SPATA6L: variants seen among roughly 807,000 people sequenced by gnomAD.
The protein encoded by SPATA6L is spermatogenesis associated 6 like.
In SPATA6L, 68 loss-of-function variants were observed where a neutral mutation model predicts 49.2. The ratio of observed to expected loss-of-function variants is 1.38; its 90% CI spans 1.14 to 1.69. SPATA6L has a LOEUF of 1.69. Among genes scored for constraint, SPATA6L ranks in the 40% most tolerant of loss-of-function variants. The pLI is 0.00. For missense variants in SPATA6L, 668 were observed against 464.3 expected (o/e 1.44, Z -4.03); for synonymous variants, 198 against 165.7 (o/e 1.19, Z -1.50).
At position 4,621,465 on chromosome 9, in the gene SPATA6L, C is replaced by G. The variant is rs116073178; in HGVS notation, c.772+943G>C. On this transcript the variant is annotated intron_variant, in intron 7 of 11. Transcript: ENST00000682582. ...CAATGATGTCATGACATCACCATCA[C>G]AATGGCTAATGGAATGTGTGCTATT... Among the ~76,000 whole-genome samples, 780 of 152,180 alleles carry G rather than the reference C, an allele frequency of 5.1e-3. 11 individuals are homozygous for G. The highest frequency in any genetic ancestry group is 0.018 in the African/African-American group (746 of 41,506).
At chr9:4,632,916 A>C (rs1831936209) in intron 4 of SPATA6L, 1 of 152,256 alleles carries the variant, frequency 6.6e-6, no homozygotes, top group African/African-American at 2.4e-5. Context: ...TGAAAGCAAC[A>C]TGGATGTGAT....
At chr9:4,614,176 C>T (rs1827434939) in intron 9 of SPATA6L, among the ~76,000 whole-genome samples, 1 of 152,280 alleles carries the variant, frequency 6.6e-6, no homozygotes, top group East Asian at 1.9e-4. Context: ...AGAGGATGTG[C>T]TGAAGGGGCA....
chr9:4,639,390 A>T (rs1375647931), intron 3 of SPATA6L, among the ~76,000 whole-genome samples: 1 of 152,208 alleles, frequency 6.6e-6, no homozygotes, highest in Non-Finnish European at 1.5e-5. Flanking sequence ...GAATTTAGAT[A>T]AAAGTAAGAG....
chr9:4,656,057 T>A lies in SPATA6L; in HGVS notation c.210A>T (p.Val70=), dbSNP rs775172731. ...AGTACCTACTTTCCAAAAGGTCTAC[T>A]ACAGCTCCAGGATCTACTGCACTTT... ...VFESAVDPGA[V]VDLLEMWDEL... is the part of the protein sequence containing the mutation. The change falls in exon 3 of 12, where the codon GTA becomes GTT. Residue 70 remains valine, a synonymous_variant. Transcript: ENST00000682582. 1 of 1,613,000 alleles carries A rather than the reference T, an allele frequency of 6.2e-7. No individual in the cohort carries two copies. The highest frequency in any genetic ancestry group is 8.5e-7 in the Non-Finnish European group (1 of 1,179,468).
At chr9:4,597,824 T>G (rs1822409636), downstream of SPATA6L, among the ~76,000 whole-genome samples, 1 of 152,172 alleles carries the variant, frequency 6.6e-6, no homozygotes, top group Non-Finnish European at 1.5e-5. Context: ...GTGGTACTAG[T>G]GGGTTCTCTG....
At chr9:4,589,682 C>T (rs2129930070) in intron 13 of SPATA6L, among the ~76,000 whole-genome samples, 1 of 152,178 alleles carries the variant, frequency 6.6e-6, no homozygotes, top group East Asian at 1.9e-4. Flanking sequence ...CTTCACATAA[C>T]ACCCCTTCAA....
chr9:4,661,958 T>C lies in SPATA6L; in HGVS notation c.118A>G (p.Thr40Ala), dbSNP rs566373794. 24 of 1,613,952 alleles carry C rather than the reference T, an allele frequency of 1.5e-5. No homozygotes were observed. In the Admixed American group the frequency reaches 2.7e-4, roughly 18 times the overall value. The change falls in exon 2 of 12, where the codon ACC (threonine) becomes GCC (alanine). Residue 40 changes from threonine (T) to alanine (A), a missense_variant. Thr to Ala is a moderately conservative substitution (Grantham distance 58). Transcript: ENST00000682582. Reference protein sequence around the residue: ...GVYLMNQYLETNSFPSAFPIM... With the variant: ...GVYLMNQYLEANSFPSAFPIM... ...GGGAACGCAGAGGGAAAGCTGTTGG[T>C]CTCCAGGTACTGATTCATGAGGTAG...
At chr9:4,641,258 A>G (rs1223041524) in intron 3 of SPATA6L, among the ~76,000 whole-genome samples, 2 of 152,202 alleles carry the variant, frequency 1.3e-5, no homozygotes, top group Non-Finnish European at 2.9e-5. Flanking sequence ...TGTATTTAAT[A>G]TATAGTCATC....
chr9:4,646,637 AAAT>A, intron 3 of SPATA6L: 1 of 479,542 alleles, frequency 2.1e-6, no homozygotes, highest in Non-Finnish European at 3.5e-6. Context: ...ATAATAATAA[AAAT>A]AATAATTAAA....
rs570544668 is a variant in SPATA6L, at chr9:4,626,250, A to G, written c.430-684T>C. On this transcript the variant is annotated intron_variant, in intron 5 of 11. Transcript: ENST00000682582. Reference sequence around the variant, plus strand: ...GGCTCCAGATTATAGCCTTTCCCCTATTATGCCAGGACTAGCCCCATTGCA... The same window carrying G: ...GGCTCCAGATTATAGCCTTTCCCCTGTTATGCCAGGACTAGCCCCATTGCA... 9 of 476,714 alleles carry G rather than the reference A, an allele frequency of 1.9e-5. No individual in the cohort carries two copies. In the East Asian group the frequency reaches 5.2e-4, roughly 27 times the overall value. 29.5% of individuals were successfully genotyped at this position (476,714 alleles called of 1,614,324 possible). A position where few individuals can be genotyped will look rare whatever the true frequency, so the allele number is the denominator to read the frequency against.
At chr9:4,610,866 C>A (rs1024165102) in intron 9 of SPATA6L, among the ~76,000 whole-genome samples, 3 of 151,668 alleles carry the variant, frequency 2.0e-5, no homozygotes, top group Non-Finnish European at 4.4e-5. Flanking sequence ...AGGCAACCTA[C>A]AAAATGGGAG....
chr9:4,660,974 T>C (rs1839551209), intron 2 of SPATA6L, among the ~76,000 whole-genome samples: 1 of 151,926 alleles, frequency 6.6e-6, no homozygotes, highest in African/African-American at 2.4e-5. Flanking sequence ...AGGTGGGAAT[T>C]GAACAATGAC....
chr9:4,639,674 A>G (rs12336239), intron 3 of SPATA6L, among the ~76,000 whole-genome samples: 18,412 of 152,218 alleles, frequency 0.12, 1,562 homozygotes, highest in African/African-American at 0.23. Context: ...AAAGAACTCA[A>G]TGTTCTTCTT....
At chr9:4,612,799 T>C (rs563856697) in intron 9 of SPATA6L, among the ~76,000 whole-genome samples, 8 of 152,316 alleles carry the variant, frequency 5.3e-5, no homozygotes, top group Admixed American at 3.3e-4. Flanking sequence ...ATTCATTCAT[T>C]CATCCATCCA....
At chr9:4,639,156 T>A (rs971925492) in intron 3 of SPATA6L, among the ~76,000 whole-genome samples, 3 of 152,148 alleles carry the variant, frequency 2.0e-5, no homozygotes, top group African/African-American at 7.2e-5. Context: ...TTGCCTACCA[T>A]TACCACGATT....
In SPATA6L at chr9:4,662,195, T is replaced by G. The variant is rs563978591; in HGVS notation, c.40-159A>C. On this transcript the variant is annotated intron_variant, in intron 1 of 11. Coordinates refer to ENST00000682582, the MANE Select transcript of SPATA6L (RefSeq NM_001353486.2). This position sits in a 1 kb window ranked among gnomAD's most constrained non-coding sequence, Gnocchi z 4.9. ...CTCCCAACGCCAACATCCTCCCCTCTGCTCTCCTCACATTGGAAATTCCAA... is the reference window on the plus strand; with the variant it reads ...CTCCCAACGCCAACATCCTCCCCTCGGCTCTCCTCACATTGGAAATTCCAA... The G allele has an allele frequency of 8.6e-4, 1,241 of 1,440,296 alleles. 8 individuals are homozygous for G. In the Middle Eastern group the frequency reaches 0.029, roughly 33 times the overall value. 89.2% of individuals were successfully genotyped at this position (1,440,296 alleles called of 1,614,324 possible).
At position 4,656,107 on chromosome 9, in the gene SPATA6L, G is replaced by A; in HGVS notation, c.178-18C>T. The stretch of plus-strand genomic sequence containing the variant: ...TCAAATACCTGCAGAGAAAAATGGG[G>A]AAAATAAATTTTCAAAGTTGTATTA... On this transcript the variant is annotated intron_variant, in intron 2 of 11. Coordinates refer to ENST00000682582, the MANE Select transcript of SPATA6L (RefSeq NM_001353486.2). The A allele has an allele frequency of 6.2e-7, 1 of 1,606,394 alleles. No homozygotes were observed. Among genetic ancestry groups the A allele is most frequent in the Non-Finnish European group, 8.5e-7 (1 of 1,175,200 alleles).
intron 9 of SPATA6L, among the ~76,000 whole-genome samples, chr9:4,606,692 G>A: frequency 7.6e-6 from 1 of 131,410 alleles, no homozygotes; most frequent in Non-Finnish European, 1.6e-5. Flanking sequence ...CAAAGATGGG[G>A]AAAAAACAGA....
intron 3 of SPATA6L, among the ~76,000 whole-genome samples, chr9:4,638,490 G>A (rs1833299986): frequency 6.6e-6 from 1 of 152,140 alleles, no homozygotes; most frequent in Admixed American, 6.5e-5. Flanking sequence ...TGGGATTACA[G>A]GTGTGAGCCA....
Sources: allele counts gnomAD v4.1 joint callset (sites outside exome capture counted in the v4.1 genomes callset), GRCh38; gene constraint gnomAD v4.1.1; non-coding constraint Gnocchi (gnomAD v3.1); transcripts MANE v1.5; gene names NCBI Gene and HGNC (gene_info 2026-07-23, HGNC 2026-07-21).